Variants in PCDHA13 observed in about 807,000 individuals in gnomAD.
PCDHA13 encodes the protein protocadherin alpha 13.
PCDHA13 carries 54 observed loss-of-function variants against 64.8 expected under a neutral mutation model. The ratio of observed to expected loss-of-function variants is 0.83; its 90% CI spans 0.67 to 1.04. The LOEUF is 1.04. Ranked by LOEUF, PCDHA13 falls within the 50% of genes least tolerant of loss-of-function variation. PCDHA13 has a pLI of 0.00. For missense variants in PCDHA13, 1,248 were observed against 1,254.3 expected (o/e 0.99, Z 0.08); for synonymous variants, 587 against 564.4 (o/e 1.04, Z -0.57).
chr5:140,909,585 T>C (rs1554193854), intron 1 of PCDHA13, among the ~76,000 whole-genome samples: 1 of 152,180 alleles, frequency 6.6e-6, no homozygotes, highest in Non-Finnish European at 1.5e-5. Context: ...GATATGTTTT[T>C]TGATTTACTA....
At position 141,011,612 on chromosome 5, in the gene PCDHA13, G is replaced by A. The variant is rs1031311936; in HGVS notation, c.*1675G>A. 11 of 153,524 alleles carry A rather than the reference G, an allele frequency of 7.2e-5. No individual in the cohort carries two copies. The highest frequency in any genetic ancestry group is 1.6e-4 in the Non-Finnish European group (11 of 67,990). 9.5% of individuals were successfully genotyped at this position (153,524 alleles called of 1,614,324 possible). A position where few individuals can be genotyped will look rare whatever the true frequency, so the allele number is the denominator to read the frequency against. On this transcript the variant is annotated 3_prime_UTR_variant, in exon 4 of 4. Coordinates refer to ENST00000289272, the MANE Select transcript of PCDHA13 (RefSeq NM_018904.3). ...TGGTGATTCAAGGAATTTTATTTAT[G>A]GTCCAGCCAAGAGCCATCTCGTGCC...
intron 1 of PCDHA13, among the ~76,000 whole-genome samples, chr5:140,958,951 A>C (rs1212039253): frequency 6.6e-6 from 1 of 151,992 alleles, no homozygotes; most frequent in Non-Finnish European, 1.5e-5. Flanking sequence ...ATATTATATT[A>C]TTATAATTGT....
rs370831122 is a variant in PCDHA13, at chr5:140,966,962, G to C, written c.2395-11987G>C. On this transcript the variant is annotated intron_variant, in intron 1 of 3. Transcript: ENST00000289272. ...CGTGGGCAACGTGGCTCGCGCGCTG[G>C]GGCTTGAGCTGCGGCGCTTGGGGCC... The C allele has an allele frequency of 1.3e-5, 21 of 1,602,632 alleles. No individual in the cohort carries two copies. Among genetic ancestry groups the C allele is most frequent in the Admixed American group, 3.3e-5 (2 of 59,750 alleles).
intron 1 of PCDHA13, among the ~76,000 whole-genome samples, chr5:140,946,631 T>TATACATACAC (rs57893927): frequency 7.6e-6 from 1 of 131,846 alleles, no homozygotes; most frequent in Non-Finnish European, 1.5e-5. Context: ...TATATATATA[T>TATACATACAC]ACAATGGAAT....
intron 1 of PCDHA13, chr5:140,927,658 C>G (rs782350503): frequency 6.2e-7 from 1 of 1,614,094 alleles, no homozygotes; most frequent in East Asian, 2.2e-5. Context: ...ATTCCGAGTT[C>G]AAGCCTTGGA....
chr5:140,955,595 A>G (rs1366870361), intron 1 of PCDHA13, among the ~76,000 whole-genome samples: 1 of 152,194 alleles, frequency 6.6e-6, no homozygotes, highest in Admixed American at 6.5e-5. Context: ...TCTTTCTTTT[A>G]TAAATTACCC....
At chr5:140,960,853 T>C (rs1554225072) in intron 1 of PCDHA13, among the ~76,000 whole-genome samples, 2 of 152,214 alleles carry the variant, frequency 1.3e-5, no homozygotes, top group Non-Finnish European at 1.5e-5. Flanking sequence ...ATGGCAACTA[T>C]AAGCCAGAAA....
chr5:140,954,895 A>G (rs782412576), intron 1 of PCDHA13, among the ~76,000 whole-genome samples: 66 of 152,096 alleles, frequency 4.3e-4, no homozygotes, highest in African/African-American at 1.4e-3. Context: ...TAGGGTTTTT[A>G]TAGTTTCATA....
intron 1 of PCDHA13, among the ~76,000 whole-genome samples, chr5:140,966,046 G>A (rs1329363755): frequency 6.6e-6 from 1 of 152,212 alleles, no homozygotes. Context: ...CCCATCGCCA[G>A]TAACCCCAGA....
At chr5:140,989,620 C>T (rs1197614071) in intron 3 of PCDHA13, among the ~76,000 whole-genome samples, 1 of 152,168 alleles carries the variant, frequency 6.6e-6, no homozygotes, top group African/African-American at 2.4e-5. Context: ...GAAAGTCTGT[C>T]CTAGTGACAG....
chr5:140,995,073 CA>C (rs537697820), intron 3 of PCDHA13, among the ~76,000 whole-genome samples: 319 of 152,298 alleles, frequency 2.1e-3, no homozygotes, highest in African/African-American at 7.3e-3. Flanking sequence ...CAACCTACAG[CA>C]ATCCAAACTT....
chr5:140,921,102 T>G (rs1300756897), intron 1 of PCDHA13, among the ~76,000 whole-genome samples: 1 of 152,028 alleles, frequency 6.6e-6, no homozygotes, highest in Non-Finnish European at 1.5e-5. Context: ...TGCCTCAGTC[T>G]CCTAAGTAGC....
At chr5:140,951,685 T>C (rs1305310211) in intron 1 of PCDHA13, among the ~76,000 whole-genome samples, 4 of 152,140 alleles carry the variant, frequency 2.6e-5, no homozygotes, top group African/African-American at 9.7e-5. Flanking sequence ...GGGATTACAA[T>C]GTGACATGAG....
chr5:140,943,505 T>C (rs938907371), intron 1 of PCDHA13, among the ~76,000 whole-genome samples: 13 of 152,106 alleles, frequency 8.5e-5, no homozygotes, highest in Non-Finnish European at 1.8e-4. Flanking sequence ...TCAAGGTTCA[T>C]GGAAATGTTG....
At chr5:140,954,119 C>T (rs547590061) in intron 1 of PCDHA13, among the ~76,000 whole-genome samples, 2 of 152,156 alleles carry the variant, frequency 1.3e-5, no homozygotes, top group African/African-American at 4.8e-5. Flanking sequence ...AGATCTTGTT[C>T]CTTTTTATGG....
intron 1 of PCDHA13, among the ~76,000 whole-genome samples, chr5:140,978,505 C>T (rs2096806553): frequency 6.6e-6 from 1 of 152,354 alleles, no homozygotes; most frequent in South Asian, 2.1e-4. Context: ...AGATTGCAGT[C>T]CTCTGCAGTC....
At chr5:140,898,410 C>T (rs1554187963) in intron 1 of PCDHA13, among the ~76,000 whole-genome samples, 4 of 152,212 alleles carry the variant, frequency 2.6e-5, no homozygotes. Flanking sequence ...CTACATACGG[C>T]TAGCCAGTTT....
chr5:140,925,033 C>G (rs1176042899), intron 1 of PCDHA13, among the ~76,000 whole-genome samples: 1 of 151,334 alleles, frequency 6.6e-6, no homozygotes, highest in Non-Finnish European at 1.5e-5. Flanking sequence ...ATCGCTTGAG[C>G]CCAGAAGTTT....
At chr5:140,988,989 G>C (rs981946293) in intron 3 of PCDHA13, 1 of 152,184 alleles carries the variant, frequency 6.6e-6, no homozygotes, top group Admixed American at 6.5e-5. Flanking sequence ...CTAATGCAGG[G>C]TAAGGAAATA....
Sources: gnomAD v4.1 joint callset for allele counts (sites outside exome capture counted in the v4.1 genomes callset) on GRCh38, gnomAD v4.1.1 for gene constraint, MANE v1.5 for transcripts, NCBI Gene and HGNC (gene_info 2026-07-23, HGNC 2026-07-21) for gene names.